CSMD1: variants seen among roughly 807,000 people sequenced by gnomAD.
CSMD1 encodes CUB and Sushi multiple domains 1.
A neutral mutation model predicts 417.5 loss-of-function variants in CSMD1; 213 were observed. That is an observed-to-expected ratio of 0.51 (90% CI 0.46 to 0.57). The LOEUF (loss-of-function observed/expected upper bound fraction) is 0.57, where lower values mean the gene tolerates loss of function less well. Ranked by LOEUF, CSMD1 falls within the 20% of genes least tolerant of loss-of-function variation. The probability of loss-of-function intolerance (pLI) is 0.00; values close to 1 mark genes in which losing one functional copy is unlikely to be tolerated. For missense variants in CSMD1, 6,923 were observed against 4,529.7 expected, an observed-to-expected ratio of 1.53 and a Z score of -15.17; for synonymous variants, 2,862 against 1,736.8, an observed-to-expected ratio of 1.65 and a Z score of -16.11.
chr8:4,689,831 G>C (rs1584948871), intron 1 of CSMD1, among the ~76,000 whole-genome samples: 1 of 152,034 alleles, frequency 6.6e-6, no homozygotes, highest in Admixed American at 6.6e-5. Context: ...GTCCCTTTCT[G>C]GTGCCTTTAA....
rs989553519 is a variant in CSMD1 at position 3,235,509 on chromosome 8, C to A, written c.4154-5278G>T. On this transcript the variant is annotated intron_variant, in intron 26 of 69. Transcript: ENST00000635120. ...GGCAAATACTGCACACCCCAGTTTC[C>A]CCTTAGACATTCCCATTGCACATTA... 2.0e-5 allele frequency among the ~76,000 whole-genome samples: 3 copies of A among 152,088 alleles called. No homozygotes were observed. The East Asian group carries it at 5.8e-4, about 29-fold the overall frequency.
intron 12 of CSMD1, among the ~76,000 whole-genome samples, chr8:3,443,165 T>G (rs551309215): frequency 2.0e-4 from 31 of 152,270 alleles, no homozygotes; most frequent in African/African-American, 7.5e-4. Flanking sequence ...CGTGTCACCT[T>G]CTGCTGCAAA....
intron 25 of CSMD1, chr8:3,284,703 G>A (rs1276936384): frequency 7.9e-6 from 2 of 253,246 alleles, no homozygotes; most frequent in African/African-American, 2.2e-5. Context: ...ATTGACAGAT[G>A]TGTTTGAAGC....
chr8:2,963,445 C>T (rs765752693), intron 59 of CSMD1, 50 bp from the exon 60 acceptor site: 10 of 1,570,620 alleles, frequency 6.4e-6, no homozygotes, highest in South Asian at 4.5e-5. Flanking sequence ...CCCGCTGCAG[C>T]GGTGATGTTC....
At chr8:3,753,400 C>G (rs182507846) in intron 6 of CSMD1, among the ~76,000 whole-genome samples, 6 of 152,188 alleles carry the variant, frequency 3.9e-5, no homozygotes, top group Admixed American at 3.9e-4. Context: ...ATTTCATTAC[C>G]AAGCTCTGTC....
chr8:3,261,453 C>A (rs746360809), intron 26 of CSMD1, among the ~76,000 whole-genome samples: 1 of 152,140 alleles, frequency 6.6e-6, no homozygotes, highest in Non-Finnish European at 1.5e-5. Flanking sequence ...TCCTACAAAT[C>A]ACCACTGAAG....
intron 40 of CSMD1, among the ~76,000 whole-genome samples, chr8:3,150,002 C>G (rs1819094784): frequency 6.6e-6 from 1 of 152,152 alleles, no homozygotes; most frequent in Non-Finnish European, 1.5e-5. Flanking sequence ...ATTCTTAACC[C>G]CTGACTCCAA....
At chr8:4,243,053 G>A (rs1046999605) in intron 3 of CSMD1, among the ~76,000 whole-genome samples, 1 of 152,118 alleles carries the variant, frequency 6.6e-6, no homozygotes, top group African/African-American at 2.4e-5. Context: ...GAGTACACGG[G>A]TCAGGGGTAG....
Position 2,974,463 on chromosome 8 carries a change from G to T in CSMD1, c.8728C>A (p.Pro2910Thr). 6.2e-7 allele frequency: 1 copy of T among 1,607,162 alleles called. No homozygotes were observed. The highest frequency in any genetic ancestry group is 8.5e-7 in the Non-Finnish European group (1 of 1,175,282). Residue 2910 changes from proline to threonine, a missense_variant, in exon 56 of 70, where the codon CCC (proline) becomes ACC (threonine). Pro to Thr is a conservative substitution (Grantham distance 38, BLOSUM62 -1). Transcript: ENST00000635120. The stretch of plus-strand genomic sequence containing the variant: ...GTAAGCCCCTCACCTGTGCAGTGGG[G>T]CAGTGCCCCGCTCCAGTGACTGTCT... ...QEDSHWSGAL[P>T]HCTGNNPGFC... is the part of the protein sequence containing the mutation.
intron 3 of CSMD1, among the ~76,000 whole-genome samples, chr8:4,158,328 T>A (rs1796952475): frequency 1.3e-5 from 2 of 152,008 alleles, no homozygotes. Context: ...CAATCATCTC[T>A]ACTGCAAAAA....
At chr8:3,312,090 A>C (rs1023708719) in intron 23 of CSMD1, among the ~76,000 whole-genome samples, 24 of 152,104 alleles carry the variant, frequency 1.6e-4, no homozygotes, top group African/African-American at 4.6e-4. Context: ...GTTTCTTTCC[A>C]CTCTTCTCCA....
intron 49 of CSMD1, among the ~76,000 whole-genome samples, chr8:3,079,625 C>T (rs1346581130): frequency 1.3e-5 from 2 of 152,134 alleles, no homozygotes; most frequent in Non-Finnish European, 2.9e-5. Context: ...ACATATCCTC[C>T]TAACATTTGA....
chr8:3,199,880 G>T, intron 32 of CSMD1, 71 bp from the exon 33 acceptor site: 1 of 868,416 alleles, frequency 1.2e-6, no homozygotes, highest in Non-Finnish European at 1.8e-6. Flanking sequence ...TTTGGAAAAT[G>T]GTGATAAAGT....
Position 2,950,303 on chromosome 8 carries a change from A to C in CSMD1, c.10242T>G (p.Ala3414=), listed in dbSNP as rs1802540702. The change falls in exon 67 of 70, where the codon GCT becomes GCG. Residue 3414 remains alanine (A), a synonymous_variant. Transcript: ENST00000635120. The part of the protein sequence containing the change: ...KKEEAHLLLK[A]FQIKGQADIF... ...TATCTGCCTGGCCTTTAATTTGAAA[A>C]GCTTTCAGGAGTAAGTGGGCCTCCT... The C allele has an allele frequency of 6.2e-7, 1 of 1,613,384 alleles. No individual in the cohort carries two copies. The highest frequency in any genetic ancestry group is 1.3e-5 in the African/African-American group (1 of 74,908).
intron 5 of CSMD1, among the ~76,000 whole-genome samples, chr8:3,992,280 T>C (rs949327383): frequency 1.3e-5 from 2 of 152,120 alleles, no homozygotes; most frequent in Non-Finnish European, 2.9e-5. Context: ...CAGCATAACT[T>C]GACCCTTTTG....
At chr8:3,504,482 G>C (rs1055553952) in intron 10 of CSMD1, among the ~76,000 whole-genome samples, 1 of 152,186 alleles carries the variant, frequency 6.6e-6, no homozygotes, top group Non-Finnish European at 1.5e-5. Flanking sequence ...ATCAATGGCA[G>C]TTGTGTTCAT....
At chr8:3,782,738 T>C (rs1329220841) in intron 5 of CSMD1, among the ~76,000 whole-genome samples, 1 of 152,222 alleles carries the variant, frequency 6.6e-6, no homozygotes, top group Admixed American at 6.5e-5. Flanking sequence ...TTGGTGATAC[T>C]GAATTATAAG....
intron 29 of CSMD1, among the ~76,000 whole-genome samples, chr8:3,218,569 A>T (rs1798017918): frequency 6.7e-6 from 1 of 149,126 alleles, no homozygotes; most frequent in Non-Finnish European, 1.5e-5. Flanking sequence ...TCAAAAATAA[A>T]AAAAAAAAGA....
intron 10 of CSMD1, among the ~76,000 whole-genome samples, chr8:3,512,940 T>G (rs182286857): frequency 6.6e-6 from 1 of 152,038 alleles, no homozygotes. Context: ...TGTATAACCA[T>G]AGAGAGCCAC....
Sources: allele counts gnomAD v4.1 joint callset (sites outside exome capture counted in the v4.1 genomes callset), GRCh38; gene constraint gnomAD v4.1.1; transcripts MANE v1.5; gene names NCBI Gene and HGNC (gene_info 2026-07-23, HGNC 2026-07-21).